CADM4: variants seen among roughly 807,000 people sequenced by gnomAD.
The protein encoded by CADM4 is cell adhesion molecule 4.
CADM4 carries 13 observed loss-of-function variants against 43.9 expected under a neutral mutation model. That is an observed-to-expected ratio of 0.30 (90% CI 0.19 to 0.47). The LOEUF (loss-of-function observed/expected upper bound fraction) is 0.47, where lower values mean the gene tolerates loss of function less well. Ranked by LOEUF, CADM4 falls within the 20% of genes least tolerant of loss-of-function variation. The pLI, the probability that CADM4 is intolerant of heterozygous loss-of-function variation, is 1.00. For missense variants in CADM4, 420 were observed against 527.0 expected, an observed-to-expected ratio of 0.80 and a Z score of 1.99; for synonymous variants, 209 against 220.9, an observed-to-expected ratio of 0.95 and a Z score of 0.48.
chr19:43,631,874 T>C (rs560402840), intron 1 of CADM4, among the ~76,000 whole-genome samples: 1 of 152,302 alleles, frequency 6.6e-6, no homozygotes, highest in African/African-American at 2.4e-5. Flanking sequence ...GGACTTCTTT[T>C]ATGTTTTAGT....
chr19:43,625,450 C>G lies in CADM4; in HGVS notation c.756-200G>C, dbSNP rs1489999293. ...CACCAAGGTCTCAGGAATTCTAGCC[C>G]AGGCTGAACATGGTGGCTTATGCCT... is the stretch of plus-strand genomic sequence containing the variant. On this transcript the variant is annotated intron_variant, in intron 6 of 8. Coordinates refer to ENST00000222374, the MANE Select transcript of CADM4 (RefSeq NM_145296.2). This position sits in a 1 kb window ranked among gnomAD's most constrained non-coding sequence, Gnocchi z 4.5. Among the ~76,000 whole-genome samples the G allele has an allele frequency of 6.6e-6, 1 of 152,160 alleles. No individual in the cohort carries two copies. Among genetic ancestry groups the G allele is most frequent in the Admixed American group, 6.5e-5 (1 of 15,272 alleles).
At position 43,627,944 on chromosome 19, in the gene CADM4, G is replaced by C. The variant is rs1326967709; in HGVS notation, c.65-154C>G. ...ACATTTCCTGCAGGCTAGAGTCCAG[G>C]ACAGGGAGGAAATCTGCTCCCTACT... On this transcript the variant is annotated intron_variant, in intron 1 of 8. Transcript: ENST00000222374. This position sits in a 1 kb window ranked among gnomAD's most constrained non-coding sequence, Gnocchi z 4.0. Among the ~76,000 whole-genome samples, 4 of 152,080 alleles carry C rather than the reference G, an allele frequency of 2.6e-5. No individual in the cohort carries two copies.
chr19:43,638,984 G>T (rs1000675266), intron 1 of CADM4, among the ~76,000 whole-genome samples: 19 of 152,190 alleles, frequency 1.2e-4, no homozygotes, highest in African/African-American at 4.3e-4. Context: ...CAGGGATGGA[G>T]ATAGTGGGAC....
chr19:43,635,547 T>G (rs1198670267), intron 1 of CADM4, among the ~76,000 whole-genome samples: 1 of 149,218 alleles, frequency 6.7e-6, no homozygotes, highest in Non-Finnish European at 1.5e-5. Flanking sequence ...CCTAGGAGTG[T>G]GGACTCCCAG....
chr19:43,625,117 G>A lies in CADM4; in HGVS notation c.889C>T (p.His297Tyr), dbSNP rs1360353338. 6.2e-7 allele frequency: 1 copy of A among 1,613,684 alleles called. No homozygotes were observed. Among genetic ancestry groups the A allele is most frequent in the Non-Finnish European group, 8.5e-7 (1 of 1,179,868 alleles). ...GTYTCEASNK[H>Y]GHARALYVLV... is the part of the protein sequence containing the mutation. ...ACGTAGAGCGCCCTCGCATGGCCGT[G>A]CTTATTGGACGCCTCGCAAGTGTAG... Residue 297 changes from histidine to tyrosine, a missense_variant, in exon 7 of 9, where the codon CAC (histidine) becomes TAC (tyrosine). Transcript: ENST00000222374. The surrounding 1 kb of genome is among the most constrained non-coding windows in gnomAD (Gnocchi z 4.5).
rs1175288000 is a variant in CADM4 at position 43,623,924 on chromosome 19, C to T, written c.1057+190G>A. Among the ~76,000 whole-genome samples the T allele has an allele frequency of 6.6e-6, 1 of 152,196 alleles. No individual in the cohort carries two copies. The highest frequency in any genetic ancestry group is 2.4e-5 in the African/African-American group (1 of 41,454). ...CCGCAAATCTATGCTTTTAATTCAG[C>T]TTCTAAATTCTACCCCTTTTCGAGT... On this transcript the variant is annotated intron_variant, in intron 8 of 8. Transcript: ENST00000222374. This position sits in a 1 kb window ranked among gnomAD's most constrained non-coding sequence, Gnocchi z 4.4.
chr19:43,623,122 G>T lies in CADM4; in HGVS notation c.*208C>A, dbSNP rs1973465143. 2.5e-5 allele frequency: 14 copies of T among 570,406 alleles called. 1 individual carries two copies. The South Asian group carries it at 2.9e-4, about 12-fold the overall frequency. 35.3% of individuals were successfully genotyped at this position (570,406 alleles called of 1,614,324 possible). Reference sequence around the variant, plus strand: ...GACCTTTGGCCCCTGCCCCCTGGGGGACCCAGACCTCTGGGCCCTCACTTC... The same window carrying T: ...GACCTTTGGCCCCTGCCCCCTGGGGTACCCAGACCTCTGGGCCCTCACTTC... On this transcript the variant is annotated 3_prime_UTR_variant, in exon 9 of 9. Coordinates refer to ENST00000222374, the MANE Select transcript of CADM4 (RefSeq NM_145296.2). This position sits in a 1 kb window ranked among gnomAD's most constrained non-coding sequence, Gnocchi z 4.4.
chr19:43,623,189 G>T lies in CADM4; in HGVS notation c.*141C>A. ...CCAGGCATCCAACACCCCCATCCCT[G>T]CCCAAGCGTCTGAGGTGTTAGTGGT... On this transcript the variant is annotated 3_prime_UTR_variant, in exon 9 of 9. Coordinates refer to ENST00000222374, the MANE Select transcript of CADM4 (RefSeq NM_145296.2). This position sits in a 1 kb window ranked among gnomAD's most constrained non-coding sequence, Gnocchi z 4.4. 1 of 676,114 alleles carries T rather than the reference G, an allele frequency of 1.5e-6. No homozygotes were observed. Among genetic ancestry groups the T allele is most frequent in the Non-Finnish European group, 2.7e-6 (1 of 376,524 alleles). 41.9% of individuals were successfully genotyped at this position (676,114 alleles called of 1,614,324 possible).
At chr19:43,638,077 T>C (rs934322402) in intron 1 of CADM4, among the ~76,000 whole-genome samples, 1 of 152,198 alleles carries the variant, frequency 6.6e-6, no homozygotes, top group African/African-American at 2.4e-5. Context: ...AATTGTGGCA[T>C]GTCTGTTGTA....
chr19:43,626,309 A>G lies in CADM4; in HGVS notation c.500-21T>C. 6.2e-7 allele frequency: 1 copy of G among 1,605,854 alleles called. No individual in the cohort carries two copies. The highest frequency in any genetic ancestry group is 8.5e-7 in the Non-Finnish European group (1 of 1,177,952). Reference sequence around the variant, plus strand: ...CACTCCTGCCACACCCCGGTCAGACACTGTCAGGCCACAATTCCGGCTCCA... The same window carrying G: ...CACTCCTGCCACACCCCGGTCAGACGCTGTCAGGCCACAATTCCGGCTCCA... On this transcript the variant is annotated intron_variant, in intron 4 of 8. Transcript: ENST00000222374. The surrounding 1 kb of genome is among the most constrained non-coding windows in gnomAD (Gnocchi z 5.9).
rs1973554633 is a variant in CADM4, at chr19:43,627,813, A to G, written c.65-23T>C. 1 of 1,586,038 alleles carries G rather than the reference A, an allele frequency of 6.3e-7. No homozygotes were observed. Among genetic ancestry groups the G allele is most frequent in the Non-Finnish European group, 8.6e-7 (1 of 1,159,084 alleles). On this transcript the variant is annotated intron_variant, in intron 1 of 8. Coordinates refer to ENST00000222374, the MANE Select transcript of CADM4 (RefSeq NM_145296.2). This position sits in a 1 kb window ranked among gnomAD's most constrained non-coding sequence, Gnocchi z 4.0. ...CCCCTGGACGATTAGACAAAGAGAC[A>G]GGATAGAAGACTTACTGAGAGCTGC...
chr19:43,623,538 C>T lies in CADM4; in HGVS notation c.1058-99G>A. 2 of 790,454 alleles carry T rather than the reference C, an allele frequency of 2.5e-6. No individual in the cohort carries two copies. Among genetic ancestry groups the T allele is most frequent in the Admixed American group, 1.8e-5 (1 of 57,016 alleles). 49.0% of individuals were successfully genotyped at this position (790,454 alleles called of 1,614,324 possible). On this transcript the variant is annotated intron_variant, in intron 8 of 8. Transcript: ENST00000222374. This position sits in a 1 kb window ranked among gnomAD's most constrained non-coding sequence, Gnocchi z 4.4. ...AAGAGGGAGACAGACAAGACACATG[C>T]CAGGCGAAGGAAGAGGGAGAAACGG...
Position 43,626,780 on chromosome 19 carries a change from G to GTACC in CADM4, c.499_499+3dup. 6.3e-7 allele frequency: 1 copy of GTACC among 1,578,034 alleles called. No homozygotes were observed. Among genetic ancestry groups the GTACC allele is most frequent in the Middle Eastern group, 1.7e-4 (1 of 5,908 alleles). On this transcript the variant is annotated splice_donor_region_variant and intron_variant, in intron 4 of 8. Coordinates refer to ENST00000222374, the MANE Select transcript of CADM4 (RefSeq NM_145296.2). The surrounding 1 kb of genome is among the most constrained non-coding windows in gnomAD (Gnocchi z 5.9). ...ATCCCTTGTCAGCACTCGGCCCAGG[G>GTACC]TACCTTTCAGCTCCTTGCGGTCCCG...
Position 43,623,295 on chromosome 19 carries a change from C to T in CADM4, c.*35G>A. On this transcript the variant is annotated 3_prime_UTR_variant, in exon 9 of 9. Transcript: ENST00000222374. The surrounding 1 kb of genome is among the most constrained non-coding windows in gnomAD (Gnocchi z 4.4). The stretch of plus-strand genomic sequence containing the variant: ...AGCTGGCAGTGGGGGGGACCCCAGC[C>T]CAGGCCCAGGCCTAGGCCTGGGGTG... The T allele has an allele frequency of 6.4e-7, 1 of 1,555,700 alleles. No homozygotes were observed. Among genetic ancestry groups the T allele is most frequent in the African/African-American group, 1.4e-5 (1 of 73,710 alleles).
At chr19:43,630,711 A>T (rs1973610113) in intron 1 of CADM4, among the ~76,000 whole-genome samples, 1 of 152,118 alleles carries the variant, frequency 6.6e-6, no homozygotes, top group Non-Finnish European at 1.5e-5. Context: ...GAATCTGTAT[A>T]TCCACTCCTG....
chr19:43,623,362 C>T lies in CADM4; in HGVS notation c.1135G>A (p.Gly379Arg). 2 of 1,614,082 alleles carry T rather than the reference C, an allele frequency of 1.2e-6. No homozygotes were observed. The highest frequency in any genetic ancestry group is 4.5e-5 in the East Asian group (2 of 44,868). The part of the protein sequence containing the change: ...AREAFLNGSD[G>R]HKRKEEFFI Reference sequence around the variant, plus strand: ...AAGAATTCCTCTTTCCTCTTGTGTCCGTCGCTGCCATTGAGGAAGGCTTCT... The same window carrying T: ...AAGAATTCCTCTTTCCTCTTGTGTCTGTCGCTGCCATTGAGGAAGGCTTCT... Residue 379 changes from glycine to arginine, a missense_variant, in exon 9 of 9, where the codon GGA becomes AGA. Physicochemically the swap from Gly to Arg is moderately radical, Grantham distance 125. Transcript: ENST00000222374. This position sits in a 1 kb window ranked among gnomAD's most constrained non-coding sequence, Gnocchi z 4.4.
At chr19:43,634,488 C>T (rs1251635717) in intron 1 of CADM4, among the ~76,000 whole-genome samples, 1 of 152,144 alleles carries the variant, frequency 6.6e-6, no homozygotes, top group Non-Finnish European at 1.5e-5. Flanking sequence ...CTTGAGGGTG[C>T]ACATGGGGTG....
Position 43,623,279 on chromosome 19 carries a change from T to TGG in CADM4, c.*49_*50dup, listed in dbSNP as rs762964392. The TGG allele has an allele frequency of 1.1e-5, 15 of 1,355,664 alleles. No homozygotes were observed. Among genetic ancestry groups the TGG allele is most frequent in the Non-Finnish European group, 1.6e-5 (15 of 949,110 alleles). 84.0% of individuals were successfully genotyped at this position (1,355,664 alleles called of 1,614,324 possible). ...TTTGCTGGTTCCTTGCAGCTGGCAG[T>TGG]GGGGGGGACCCCAGCCCAGGCCCAG... On this transcript the variant is annotated 3_prime_UTR_variant, in exon 9 of 9. Transcript: ENST00000222374. This position sits in a 1 kb window ranked among gnomAD's most constrained non-coding sequence, Gnocchi z 4.4.
chr19:43,638,986 T>C (rs1200663792), intron 1 of CADM4, among the ~76,000 whole-genome samples: 1 of 151,004 alleles, frequency 6.6e-6, no homozygotes, highest in East Asian at 2.0e-4. Flanking sequence ...GGGATGGAGA[T>C]AGTGGGACAG....
Sources: allele counts gnomAD v4.1 joint callset (sites outside exome capture counted in the v4.1 genomes callset), GRCh38; gene constraint gnomAD v4.1.1; non-coding constraint Gnocchi (gnomAD v3.1); transcripts MANE v1.5; gene names NCBI Gene and HGNC (gene_info 2026-07-23, HGNC 2026-07-21).